LRRC4C: variants seen among roughly 807,000 people sequenced by gnomAD.
LRRC4C encodes the protein leucine rich repeat containing 4C, also known as leucine-rich repeat-containing protein 4C.
LRRC4C carries 5 observed loss-of-function variants against 33.6 expected under a neutral mutation model. That is an observed-to-expected ratio of 0.15 (90% confidence interval 0.08 to 0.31). LRRC4C has a LOEUF of 0.31. Among genes scored for constraint, LRRC4C ranks in the 10% least tolerant of loss-of-function variants. LRRC4C has a pLI of 1.00. For missense variants in LRRC4C, 560 were observed against 796.7 expected (o/e 0.70, Z 3.58); for synonymous variants, 329 against 302.0 (o/e 1.09, Z -0.93).
intron 2 of LRRC4C, among the ~76,000 whole-genome samples, chr11:40,919,660 T>TC: frequency 6.6e-6 from 1 of 152,214 alleles, no homozygotes; most frequent in South Asian, 2.1e-4. Flanking sequence ...TCTGTATGTA[T>TC]CCCCAAAATC....
At chr11:40,847,301 T>C (rs977817306) in intron 2 of LRRC4C, among the ~76,000 whole-genome samples, 1 of 152,206 alleles carries the variant, frequency 6.6e-6, no homozygotes, top group African/African-American at 2.4e-5. Context: ...ATAGCTCTTA[T>C]TATTTTGATA....
chr11:40,535,834 A>T (rs576448627), intron 3 of LRRC4C, among the ~76,000 whole-genome samples: 53 of 152,316 alleles, frequency 3.5e-4, no homozygotes, highest in Non-Finnish European at 7.2e-4. Flanking sequence ...ACTTTTGTAC[A>T]TTTTGAAGCA....
intron 5 of LRRC4C, among the ~76,000 whole-genome samples, chr11:40,238,733 A>T (rs1191205373): frequency 6.6e-6 from 1 of 152,154 alleles, no homozygotes; most frequent in Non-Finnish European, 1.5e-5. Flanking sequence ...TTAATATAGA[A>T]ATAGATTTTA....
At chr11:41,104,181 G>T (rs1941360928) in intron 1 of LRRC4C, among the ~76,000 whole-genome samples, 2 of 151,740 alleles carry the variant, frequency 1.3e-5, no homozygotes, top group South Asian at 4.1e-4. Flanking sequence ...GGCAACAGGA[G>T]AAAATATATA....
At chr11:41,099,543 C>G (rs1191751171) in intron 1 of LRRC4C, among the ~76,000 whole-genome samples, 3 of 152,094 alleles carry the variant, frequency 2.0e-5, no homozygotes, top group Admixed American at 6.6e-5. Flanking sequence ...TCAACATACA[C>G]AAATCAATAA....
At chr11:41,162,237 T>C (rs899376324) in intron 1 of LRRC4C, among the ~76,000 whole-genome samples, 2 of 152,188 alleles carry the variant, frequency 1.3e-5, no homozygotes, top group Non-Finnish European at 2.9e-5. Flanking sequence ...CATGACTATC[T>C]GACCCTCGGA....
intron 1 of LRRC4C, among the ~76,000 whole-genome samples, chr11:41,427,640 C>T (rs1397769634): frequency 6.6e-6 from 1 of 152,102 alleles, no homozygotes; most frequent in African/African-American, 2.4e-5. Context: ...AAGCCAGGTG[C>T]TGTTTAAATA....
chr11:41,341,382 G>A (rs1244110323), intron 1 of LRRC4C, among the ~76,000 whole-genome samples: 6 of 152,068 alleles, frequency 3.9e-5, no homozygotes, highest in Non-Finnish European at 8.8e-5. Context: ...AGGTTCTGCC[G>A]GTTGCATATT....
chr11:40,880,141 C>T (rs533862818), intron 2 of LRRC4C, among the ~76,000 whole-genome samples: 15 of 152,168 alleles, frequency 9.9e-5, no homozygotes, highest in Non-Finnish European at 1.8e-4. Context: ...GCTGGAAGTA[C>T]TAGAGCCGCC....
intron 1 of LRRC4C, among the ~76,000 whole-genome samples, chr11:41,448,122 G>GTTTTTTTTTTGTTTTTT (rs1955888158): frequency 2.1e-5 from 1 of 46,948 alleles, no homozygotes; most frequent in Admixed American, 2.8e-4. Flanking sequence ...GCACACGTCT[G>GTTTTTTTTTTGTTTTTT]TTTTTTTTTT....
intron 4 of LRRC4C, among the ~76,000 whole-genome samples, chr11:40,278,445 T>C (rs758554824): frequency 7.2e-5 from 11 of 152,128 alleles, no homozygotes; most frequent in Non-Finnish European, 1.6e-4. Context: ...CCTCTACCAG[T>C]GAGCTGTTAC....
intron 1 of LRRC4C, among the ~76,000 whole-genome samples, chr11:41,138,586 T>A (rs10837581): frequency 0.13 from 19,832 of 152,228 alleles, 1,374 homozygotes; most frequent in Middle Eastern, 0.16. Context: ...TTTCATAATG[T>A]CCTGGTAAAC....
chr11:41,122,738 A>G (rs1474090843), intron 1 of LRRC4C, among the ~76,000 whole-genome samples: 1 of 152,100 alleles, frequency 6.6e-6, no homozygotes, highest in Non-Finnish European at 1.5e-5. Flanking sequence ...AACAATGTGT[A>G]TCATCATACT....
chr11:40,940,330 C>T (rs1386572579), intron 1 of LRRC4C, among the ~76,000 whole-genome samples: 1 of 152,056 alleles, frequency 6.6e-6, no homozygotes. Context: ...CTCATGGTAA[C>T]ATTTTGAAGA....
chr11:40,540,037 C>T (rs999993760), intron 3 of LRRC4C, among the ~76,000 whole-genome samples: 1 of 152,152 alleles, frequency 6.6e-6, no homozygotes, highest in African/African-American at 2.4e-5. Flanking sequence ...GAGAATGCAC[C>T]TTCAAACTTT....
At chr11:41,095,279 G>A (rs1029743296) in intron 1 of LRRC4C, among the ~76,000 whole-genome samples, 64 of 152,096 alleles carry the variant, frequency 4.2e-4, no homozygotes, top group African/African-American at 1.5e-3. Flanking sequence ...GACAAGAACA[G>A]CATGGGGGAA....
chr11:40,464,470 A>G, intron 3 of LRRC4C, among the ~76,000 whole-genome samples: 1 of 152,062 alleles, frequency 6.6e-6, no homozygotes, highest in Non-Finnish European at 1.5e-5. Flanking sequence ...TGGAAGTCCT[A>G]GCAAGAGGAA....
At chr11:41,218,941 G>C (rs962092963) in intron 1 of LRRC4C, among the ~76,000 whole-genome samples, 1 of 151,288 alleles carries the variant, frequency 6.6e-6, no homozygotes, top group East Asian at 2.0e-4. Flanking sequence ...CTAAATTTTT[G>C]TGTGTGTTTT....
chr11:41,321,677 C>T (rs1950963477), intron 1 of LRRC4C, among the ~76,000 whole-genome samples: 1 of 152,020 alleles, frequency 6.6e-6, no homozygotes, highest in Admixed American at 6.6e-5. Flanking sequence ...TCAAAATTAA[C>T]ATTATTTTAT....
Sources: gnomAD v4.1 joint callset for allele counts (sites outside exome capture counted in the v4.1 genomes callset) on GRCh38, gnomAD v4.1.1 for gene constraint, MANE v1.5 for transcripts, NCBI Gene and HGNC (gene_info 2026-07-23, HGNC 2026-07-21) for gene names.